Variants in CLK1 observed in about 807,000 individuals in gnomAD.
The protein encoded by CLK1 is dual specificity protein kinase CLK1.
Under a neutral mutation model 60.9 loss-of-function variants are expected in CLK1, and 40 were observed. The ratio of observed to expected loss-of-function variants is 0.66; its 90% CI spans 0.51 to 0.86. The LOEUF is 0.86. CLK1 is among the 40% of genes least tolerant of loss of function. CLK1 has a pLI of 0.00. For missense variants in CLK1, 563 were observed against 606.1 expected (o/e 0.93, Z 0.75); for synonymous variants, 203 against 184.4 (o/e 1.10, Z -0.82).
chr2:200,855,698 C>T (rs1367965441), intron 9 of CLK1, among the ~76,000 whole-genome samples: 1 of 151,026 alleles, frequency 6.6e-6, no homozygotes, highest in East Asian at 2.0e-4. Context: ...AAAGCAATCA[C>T]TTAATCCAAG....
intron 5 of CLK1, 127 bp downstream of exon 5, chr2:200,859,553 T>C: frequency 1.6e-6 from 1 of 621,706 alleles, no homozygotes; most frequent in Non-Finnish European, 2.8e-6. Flanking sequence ...ACTGGAAGTG[T>C]CTTACATCCA....
At chr2:200,863,678 ACT>A (rs1431162378) in intron 1 of CLK1, among the ~76,000 whole-genome samples, 5 of 151,842 alleles carry the variant, frequency 3.3e-5, no homozygotes, top group African/African-American at 1.2e-4. Flanking sequence ...ATATGGTGAA[ACT>A]CTGTCTCTAC....
intron 2 of CLK1, 81 bp from the exon 3 acceptor site, chr2:200,861,547 C>T: frequency 6.4e-7 from 1 of 1,562,428 alleles, no homozygotes; most frequent in Non-Finnish European, 8.6e-7. Flanking sequence ...CACCTAGACT[C>T]CCCCACAAGC....
At chr2:200,853,514 G>C in intron 12 of CLK1, 65 bp from the exon 13 acceptor site, 7 of 1,405,850 alleles carry the variant, frequency 5.0e-6, no homozygotes, top group Non-Finnish European at 6.8e-6. Context: ...CTATGTAACA[G>C]TATAGTAAAC....
chr2:200,861,563 A>T, intron 2 of CLK1, 97 bp from the exon 3 acceptor site: 3 of 1,558,668 alleles, frequency 1.9e-6, no homozygotes, highest in Middle Eastern at 1.8e-4. Flanking sequence ...CAAGCAGCTT[A>T]ATTTTACAAA....
rs577045694 is a variant in CLK1 at position 200,862,622 on chromosome 2, C to A, written c.1-760G>T. On this transcript the variant is annotated intron_variant, in intron 1 of 12. Transcript: ENST00000321356. ...GCCTGCACCCAGGTGAAATAAACAG[C>A]CATGTTGCTCACACAAAGCCTGCCT... Among the ~76,000 whole-genome samples, 3 of 152,344 alleles carry A rather than the reference C, an allele frequency of 2.0e-5. No individual in the cohort carries two copies. The South Asian group carries it at 6.2e-4, about 32-fold the overall frequency.
At chr2:200,854,912 T>G (rs1434301462) in intron 10 of CLK1, 92 bp downstream of exon 10, 1 of 928,514 alleles carries the variant, frequency 1.1e-6, no homozygotes, top group Non-Finnish European at 1.7e-6. Context: ...CTACAATTAA[T>G]AGTCTATAAT....
intron 9 of CLK1, 26 bp downstream of exon 9, chr2:200,856,656 G>T (rs991899600): frequency 6.5e-7 from 1 of 1,537,414 alleles, no homozygotes; most frequent in Non-Finnish European, 8.7e-7. Flanking sequence ...AAATACAAAG[G>T]TTCTCAAAGG....
chr2:200,860,331 C>G, intron 3 of CLK1, 116 bp from the exon 4 acceptor site: 1 of 1,530,446 alleles, frequency 6.5e-7, no homozygotes. Context: ...TTCAGATACA[C>G]GCCAGGCCAC....
intron 12 of CLK1, 101 bp downstream of exon 12, chr2:200,853,802 G>T: frequency 1.2e-6 from 1 of 827,608 alleles, no homozygotes; most frequent in Non-Finnish European, 1.9e-6. Flanking sequence ...CCAACATCGT[G>T]CCACTCTACT....
At chr2:200,853,708 G>A (rs915427566) in intron 12 of CLK1, among the ~76,000 whole-genome samples, 195 bp downstream of exon 12, 11 of 129,442 alleles carry the variant, frequency 8.5e-5, no homozygotes, top group East Asian at 7.2e-4. Flanking sequence ...AAAAAAAAGC[G>A]TGGTGGCATC....
chr2:200,854,310 C>T (rs545652240), intron 11 of CLK1, among the ~76,000 whole-genome samples: 9 of 151,992 alleles, frequency 5.9e-5, no homozygotes, highest in East Asian at 1.9e-4. Flanking sequence ...CCGAGGTGGG[C>T]GGATCACAAG....
chr2:200,855,546 A>G (rs1030049468), intron 9 of CLK1, among the ~76,000 whole-genome samples: 4 of 151,760 alleles, frequency 2.6e-5, no homozygotes, highest in African/African-American at 9.7e-5. Flanking sequence ...AATGGAGTGA[A>G]CCCCATAGGC....
At chr2:200,862,090 T>C (rs1381926736) in intron 1 of CLK1, among the ~76,000 whole-genome samples, 1 of 147,466 alleles carries the variant, frequency 6.8e-6, no homozygotes, top group African/African-American at 2.5e-5. Flanking sequence ...CCCAGATTTA[T>C]TGGAAGAATG....
chr2:200,856,987 T>C lies in CLK1; in HGVS notation c.833-2A>G. On this transcript the variant is annotated splice_acceptor_variant, in intron 7 of 12. Coordinates refer to ENST00000321356, the MANE Select transcript of CLK1 (RefSeq NM_004071.4). LOFTEE classifies it high-confidence loss of function. ...GAGTCAACTTATTACTGTGCAAAAC[T>C]GAGAATAAAGAGAAAGTTGCTGTAA... 6.2e-7 allele frequency: 1 copy of C among 1,611,834 alleles called. No individual in the cohort carries two copies. The highest frequency in any genetic ancestry group is 2.2e-5 in the East Asian group (1 of 44,870).
rs1335204388 is a variant in CLK1 at position 200,853,354 on chromosome 2, T to A, written c.1407A>T (p.Arg469Ser). The A allele has an allele frequency of 6.2e-7, 1 of 1,613,526 alleles. No homozygotes were observed. Among genetic ancestry groups the A allele is most frequent in the Non-Finnish European group, 8.5e-7 (1 of 1,179,714 alleles). Reference sequence around the variant, plus strand: ...CAAAGAAAGGATGCTTTAAGGCTTCTCTGAGAGTAATTCTTTTGGCTGGAT... The same window carrying A: ...CAAAGAAAGGATGCTTTAAGGCTTCACTGAGAGTAATTCTTTTGGCTGGAT... ...EYDPAKRITL[R>S]EALKHPFFDL... The change falls in exon 13 of 13, where the codon AGA (arginine) becomes AGT (serine). Residue 469 changes from arginine to serine, a missense_variant. Coordinates refer to ENST00000321356, the MANE Select transcript of CLK1 (RefSeq NM_004071.4).
At position 200,853,046 on chromosome 2, in the gene CLK1, G is replaced by T; in HGVS notation, c.*260C>A. The T allele has an allele frequency of 3.7e-6, 1 of 272,410 alleles. No individual in the cohort carries two copies. The highest frequency in any genetic ancestry group is 6.8e-6 in the Non-Finnish European group (1 of 147,580). 16.9% of individuals were successfully genotyped at this position (272,410 alleles called of 1,614,324 possible). On this transcript the variant is annotated 3_prime_UTR_variant, in exon 13 of 13. Coordinates refer to ENST00000321356, the MANE Select transcript of CLK1 (RefSeq NM_004071.4). ...CTTTAATAGAAGTAGGAAGAAAAAT[G>T]GTACTTAGAACAAACTGTTCAGATA...
At chr2:200,855,109 AG>A in intron 9 of CLK1, 23 bp from the exon 10 acceptor site, 1 of 1,552,346 alleles carries the variant, frequency 6.4e-7, no homozygotes. Flanking sequence ...GCAAAATTTA[AG>A]GAAAAAAAAT....
chr2:200,859,819 A>G (rs1342891908), intron 4 of CLK1, 73 bp from the exon 5 acceptor site: 2 of 1,588,198 alleles, frequency 1.3e-6, no homozygotes, highest in South Asian at 1.1e-5. Context: ...AATGCTATCA[A>G]TGTAGATTAT....
Sources: gnomAD v4.1 joint callset for allele counts (sites outside exome capture counted in the v4.1 genomes callset) on GRCh38, gnomAD v4.1.1 for gene constraint, MANE v1.5 for transcripts, NCBI Gene and HGNC (gene_info 2026-07-23, HGNC 2026-07-21) for gene names.